Variants in E2F5 observed in about 807,000 individuals in gnomAD.
E2F5 encodes the protein transcription factor E2F5.
E2F5 carries 23 observed loss-of-function variants against 39.1 expected under a neutral mutation model. That is an observed-to-expected ratio of 0.59 (90% CI 0.42 to 0.83). The LOEUF (loss-of-function observed/expected upper bound fraction) is 0.83. Among genes scored for constraint, E2F5 ranks in the 40% least tolerant of loss-of-function variants. The pLI, the probability that E2F5 is intolerant of heterozygous loss-of-function variation, is 0.00. For synonymous variants in E2F5, 145 were observed against 157.8 expected, an observed-to-expected ratio of 0.92 and a Z score of 0.61; for missense variants, 365 against 406.7, an observed-to-expected ratio of 0.90 and a Z score of 0.88.
intron 1 of E2F5, among the ~76,000 whole-genome samples, chr8:85,180,364 C>T (rs946716629): frequency 2.6e-5 from 4 of 151,728 alleles, no homozygotes; most frequent in Non-Finnish European, 5.9e-5. Context: ...TGGACTCACA[C>T]TGACAATTAT....
intron 2 of E2F5, 22 bp from the exon 3 acceptor site, chr8:85,203,072 T>A (rs926009125): frequency 5.6e-6 from 8 of 1,440,066 alleles, no homozygotes; most frequent in Non-Finnish European, 7.3e-6. Context: ...ACTGAGGATA[T>A]TAATTCTCAT....
intron 1 of E2F5, among the ~76,000 whole-genome samples, chr8:85,193,078 T>TA (rs1206956752): frequency 1.3e-5 from 2 of 152,234 alleles, no homozygotes; most frequent in East Asian, 3.8e-4. Flanking sequence ...CATGTATACA[T>TA]ACATACATAA....
At chr8:85,210,160 C>T (rs556073467) in intron 6 of E2F5, among the ~76,000 whole-genome samples, 1 of 152,312 alleles carries the variant, frequency 6.6e-6, no homozygotes, top group African/African-American at 2.4e-5. Flanking sequence ...CCAATATAGA[C>T]ATCATATTGC....
intron 1 of E2F5, among the ~76,000 whole-genome samples, chr8:85,197,145 G>A (rs4150918): frequency 0.029 from 4,405 of 152,328 alleles, 89 homozygotes; most frequent in Middle Eastern, 0.044. Context: ...CTGAATCACA[G>A]TAGCTAAACT....
intron 1 of E2F5, among the ~76,000 whole-genome samples, chr8:85,185,922 T>C (rs888973149): frequency 1.3e-5 from 2 of 152,176 alleles, no homozygotes; most frequent in African/African-American, 4.8e-5. Flanking sequence ...GAGTTTAAAT[T>C]AGTTCAACCA....
At chr8:85,186,753 A>T (rs4150865) in intron 1 of E2F5, among the ~76,000 whole-genome samples, 1 of 146,656 alleles carries the variant, frequency 6.8e-6, no homozygotes, top group African/African-American at 2.5e-5. Context: ...TATATATGGT[A>T]TATATAAGGT....
At chr8:85,194,879 T>C (rs1812548672) in intron 1 of E2F5, among the ~76,000 whole-genome samples, 2 of 151,714 alleles carry the variant, frequency 1.3e-5, no homozygotes, top group Non-Finnish European at 2.9e-5. Flanking sequence ...AAAATTTTTG[T>C]AGAATTTAAT....
rs751410417 is a variant in E2F5 at position 85,214,110 on chromosome 8, G to A, written c.*248G>A. 1.7e-6 allele frequency: 1 copy of A among 572,784 alleles called. No homozygotes were observed. The highest frequency in any genetic ancestry group is 1.8e-5 in the African/African-American group (1 of 54,076). 35.5% of individuals were successfully genotyped at this position (572,784 alleles called of 1,614,324 possible). Reference sequence around the variant, plus strand: ...CACTCCCAAAAGTAACTATATTCTGGATTTCAACTTTTCTTCTAATTGTGA... The same window carrying A: ...CACTCCCAAAAGTAACTATATTCTGAATTTCAACTTTTCTTCTAATTGTGA... On this transcript the variant is annotated 3_prime_UTR_variant, in exon 8 of 8. Transcript: ENST00000416274.
chr8:85,213,784 G>A lies in E2F5; in HGVS notation c.963G>A (p.Pro321=), dbSNP rs757410850. 135 of 1,612,770 alleles carry A rather than the reference G, an allele frequency of 8.4e-5. No homozygotes were observed. The highest frequency in any genetic ancestry group is 1.3e-4 in the South Asian group (12 of 91,016). ...VFPLLRLSPT[P]ADDYNFNLDD... The stretch of plus-strand genomic sequence containing the variant: ...CTCTCTTAAGGCTTTCTCCTACCCC[G>A]GCAGATGACTACAACTTTAATTTAG... The change falls in exon 8 of 8, where the codon CCG becomes CCA. Residue 321 remains proline, a synonymous_variant. Transcript: ENST00000416274.
At position 85,177,588 on chromosome 8, in the gene E2F5, G is replaced by A; in HGVS notation, c.168G>A (p.Gly56=). The change falls in exon 1 of 8, where the codon GGG becomes GGA. Residue 56 remains glycine (G), a synonymous_variant. Transcript: ENST00000416274. ...GGSSRHEKSL[G]LLTTKFVSLL... ...GCAGCAGGCACGAGAAGAGCCTGGG[G>A]CTGCTCACTACCAAGTTCGTGTCGC... The A allele has an allele frequency of 7.7e-7, 1 of 1,293,274 alleles. No individual in the cohort carries two copies. Among genetic ancestry groups the A allele is most frequent in the Non-Finnish European group, 9.8e-7 (1 of 1,016,626 alleles). 80.1% of individuals were successfully genotyped at this position (1,293,274 alleles called of 1,614,324 possible). A position where few individuals can be genotyped will look rare whatever the true frequency, so the allele number is the denominator to read the frequency against.
intron 1 of E2F5, among the ~76,000 whole-genome samples, chr8:85,181,788 C>T (rs1194569030): frequency 1.3e-5 from 2 of 151,244 alleles, no homozygotes; most frequent in African/African-American, 2.4e-5. Context: ...GGCGAAACCC[C>T]GTCTCTACTA....
At chr8:85,211,127 T>C (rs1812910082) in intron 6 of E2F5, among the ~76,000 whole-genome samples, 1 of 150,684 alleles carries the variant, frequency 6.6e-6, no homozygotes, top group Non-Finnish European at 1.5e-5. Flanking sequence ...GGCTCATGCC[T>C]GTAATCCCAA....
chr8:85,206,296 T>C, intron 4 of E2F5, 76 bp downstream of exon 4: 1 of 1,392,406 alleles, frequency 7.2e-7, no homozygotes, highest in Non-Finnish European at 1.0e-6. Flanking sequence ...ATTCCCTGTG[T>C]CCTCATCCTG....
At chr8:85,211,643 G>GTTTTTTTTTTT (rs950695727) in intron 6 of E2F5, among the ~76,000 whole-genome samples, 18 of 52,206 alleles carry the variant, frequency 3.4e-4, no homozygotes, top group African/African-American at 7.3e-4. Flanking sequence ...GTTTGTTGTT[G>GTTTTTTTTTTT]TTTTTTTTTT....
chr8:85,193,982 A>G (rs1812524368), intron 1 of E2F5, among the ~76,000 whole-genome samples: 1 of 152,038 alleles, frequency 6.6e-6, no homozygotes, highest in Non-Finnish European at 1.5e-5. Flanking sequence ...TATTCCTTTG[A>G]TTATTATTCC....
intron 1 of E2F5, among the ~76,000 whole-genome samples, chr8:85,194,533 C>CTTTTT (rs753685580): frequency 7.8e-6 from 1 of 128,002 alleles, no homozygotes; most frequent in East Asian, 2.2e-4. Flanking sequence ...GTTTGTTTCT[C>CTTTTT]TTTTTTTTTT....
At chr8:85,194,566 ACT>A (rs1812539307) in intron 1 of E2F5, among the ~76,000 whole-genome samples, 1 of 122,396 alleles carries the variant, frequency 8.2e-6, no homozygotes, top group African/African-American at 3.2e-5. Context: ...ACAGAGTCTC[ACT>A]CTGTCACCCA....
rs926995501 is a variant in E2F5 at position 85,214,310 on chromosome 8, T to C, written c.*448T>C. The C allele has an allele frequency of 3.4e-6, 2 of 589,492 alleles. No individual in the cohort carries two copies. Among genetic ancestry groups the C allele is most frequent in the Non-Finnish European group, 6.1e-6 (2 of 326,672 alleles). 36.5% of individuals were successfully genotyped at this position (589,492 alleles called of 1,614,324 possible). ...TCACTGCCACTTGTAAAGTGAAGGATGTAAACGAGGATATATAACTGTTTC... is the reference window on the plus strand; with the variant it reads ...TCACTGCCACTTGTAAAGTGAAGGACGTAAACGAGGATATATAACTGTTTC... On this transcript the variant is annotated 3_prime_UTR_variant, in exon 8 of 8. Transcript: ENST00000416274.
chr8:85,186,074 G>A (rs960354973), intron 1 of E2F5, among the ~76,000 whole-genome samples: 1 of 152,066 alleles, frequency 6.6e-6, no homozygotes, highest in Non-Finnish European at 1.5e-5. Context: ...GTTTATTGTG[G>A]CACTATTCAC....
Sources: gnomAD v4.1 joint callset for allele counts (sites outside exome capture counted in the v4.1 genomes callset) on GRCh38, gnomAD v4.1.1 for gene constraint, MANE v1.5 for transcripts, NCBI Gene and HGNC (gene_info 2026-07-23, HGNC 2026-07-21) for gene names.